INPPL1: variants seen among roughly 807,000 people sequenced by gnomAD.
The protein encoded by INPPL1 is inositol polyphosphate phosphatase like 1, also known as phosphatidylinositol 3,4,5-trisphosphate 5-phosphatase 2.
In INPPL1, 91 loss-of-function variants were observed where a neutral mutation model predicts 139.3. The observed-to-expected ratio is 0.65, with a 90% CI of 0.55 to 0.78. The LOEUF (loss-of-function observed/expected upper bound fraction) is 0.78, where lower values mean the gene tolerates loss of function less well. Ranked by LOEUF, INPPL1 falls within the 30% of genes least tolerant of loss-of-function variation. The probability of loss-of-function intolerance (pLI) is 0.00; values close to 1 mark genes in which losing one functional copy is unlikely to be tolerated. For missense variants in INPPL1, 1,411 were observed against 1,665.6 expected (o/e 0.85, Z 2.66); for synonymous variants, 719 against 686.6 (o/e 1.05, Z -0.74).
At chr11:72,225,527 A>C (rs1293858636) in intron 1 of INPPL1, 2 of 985,086 alleles carry the variant, frequency 2.0e-6, no homozygotes, top group East Asian at 2.3e-4. Context: ...TCCCGTTTGG[A>C]TAGGGACTGA....
Position 72,230,363 on chromosome 11 carries a change from C to T in INPPL1, c.1092C>T (p.Ile364=), listed in dbSNP as rs774881680. Residue 364 remains isoleucine, a splice_region_variant and synonymous_variant, in exon 10 of 28, where the codon ATC becomes ATT. Coordinates refer to ENST00000298229, the MANE Select transcript of INPPL1 (RefSeq NM_001567.4). ...EDWTTFTHDR[I]RQLIKSQRVQ... ...TGTGACCGGTCCTCCATGCCCTAGT[C>T]CGCCAGCTCATTAAGTCCCAGCGTG... The T allele has an allele frequency of 2.5e-6, 4 of 1,613,946 alleles. No homozygotes were observed. The highest frequency in any genetic ancestry group is 4.5e-5 in the East Asian group (2 of 44,900).
At chr11:72,232,134 T>G (rs911921824) in intron 13 of INPPL1, 106 bp from the exon 14 acceptor site, 1 of 886,696 alleles carries the variant, frequency 1.1e-6, no homozygotes, top group Non-Finnish European at 1.8e-6. Flanking sequence ...CAGCGTCTGG[T>G]GGGCTCAGCG....
chr11:72,228,628 A>G lies in INPPL1; in HGVS notation c.398-99A>G. ...CTTGGCCATGATGCCGGGGCCCTTTAACCCTCTTTCCATGGAAGTCACTTT... is the reference window on the plus strand; with the variant it reads ...CTTGGCCATGATGCCGGGGCCCTTTGACCCTCTTTCCATGGAAGTCACTTT... On this transcript the variant is annotated intron_variant, in intron 3 of 27. Transcript: ENST00000298229. This position sits in a 1 kb window ranked among gnomAD's most constrained non-coding sequence, Gnocchi z 5.0. 5.9e-6 allele frequency: 9 copies of G among 1,535,988 alleles called. No individual in the cohort carries two copies. Among genetic ancestry groups the G allele is most frequent in the Non-Finnish European group, 7.9e-6 (9 of 1,138,574 alleles).
Position 72,224,844 on chromosome 11 carries a change from C to A in INPPL1, c.-141C>A. ...ACGAGGCGGCCTGCGCGGCGGAGTGCTGAGTCCCGATCCCCGGCTCTGTCC... is the reference window on the plus strand; with the variant it reads ...ACGAGGCGGCCTGCGCGGCGGAGTGATGAGTCCCGATCCCCGGCTCTGTCC... On this transcript the variant is annotated 5_prime_UTR_variant, in exon 1 of 28. It adds an upstream start codon to the 5' untranslated region. Coordinates refer to ENST00000298229, the MANE Select transcript of INPPL1 (RefSeq NM_001567.4). 2.2e-6 allele frequency: 1 copy of A among 450,164 alleles called. No homozygotes were observed. The highest frequency in any genetic ancestry group is 3.0e-6 in the Non-Finnish European group (1 of 333,224). The allele number at this position is 450,164 out of a possible 1,614,324, so 27.9% of individuals were successfully genotyped here.
chr11:72,227,049 A>G (rs1008312155), intron 1 of INPPL1, among the ~76,000 whole-genome samples: 6 of 152,152 alleles, frequency 3.9e-5, no homozygotes, highest in African/African-American at 1.4e-4. Context: ...GACGTGGGCA[A>G]TATCTTAGAT....
chr11:72,228,392 G>T lies in INPPL1; in HGVS notation c.291G>T (p.Glu97Asp), dbSNP rs1294240648. 6.2e-7 allele frequency: 1 copy of T among 1,613,164 alleles called. No homozygotes were observed. Among genetic ancestry groups the T allele is most frequent in the Non-Finnish European group, 8.5e-7 (1 of 1,179,996 alleles). Residue 97 changes from glutamate to aspartate, a missense_variant, in exon 3 of 28, where the codon GAG becomes GAT. By Grantham distance (45) the Glu-to-Asp change is conservative. Coordinates refer to ENST00000298229, the MANE Select transcript of INPPL1 (RefSeq NM_001567.4). The surrounding 1 kb of genome is among the most constrained non-coding windows in gnomAD (Gnocchi z 5.0). ...VPVRRFQTLG[E>D]LIGLYAQPNQ... The stretch of plus-strand genomic sequence containing the variant: ...TGCGCCGCTTCCAGACCCTGGGTGA[G>T]CTCATCGGCCTGTACGCCCAGCCCA...
Position 72,237,710 on chromosome 11 carries a change from C to G in INPPL1, c.3466C>G (p.Arg1156Gly), listed in dbSNP as rs201213980. Residue 1156 changes from arginine (R) to glycine (G), a missense_variant, in exon 26 of 28, where the codon CGG (arginine) becomes GGG (glycine). Coordinates refer to ENST00000298229, the MANE Select transcript of INPPL1 (RefSeq NM_001567.4). ...LPGPLELQPP[R>G]GLPSDYGRPL... The stretch of plus-strand genomic sequence containing the variant: ...AGGCCCCCTGGAGCTGCAGCCCCCC[C>G]GGGGACTGCCCTCGGACTATGGCCG... The G allele has an allele frequency of 4.0e-5, 64 of 1,611,418 alleles. 1 individual carries two copies. The highest frequency in any genetic ancestry group is 1.7e-4 in the Middle Eastern group (1 of 6,036).
chr11:72,235,183 T>C lies in INPPL1; in HGVS notation c.2483T>C (p.Met828Thr), dbSNP rs1948950215. 6.2e-7 allele frequency: 1 copy of C among 1,613,884 alleles called. No individual in the cohort carries two copies. Among genetic ancestry groups the C allele is most frequent in the African/African-American group, 1.3e-5 (1 of 74,840 alleles). Residue 828 changes from methionine to threonine, a missense_variant, in exon 22 of 28, where the codon ATG (methionine) becomes ACG (threonine). Physicochemically the swap from Met to Thr is moderately conservative, Grantham distance 81. Around this residue, in one of 5 missense-constraint regions of INPPL1, gnomAD observed 99 missense variants for 171.6 expected, o/e 0.58. Transcript: ENST00000298229. The surrounding 1 kb of genome is among the most constrained non-coding windows in gnomAD (Gnocchi z 4.9). Reference sequence around the variant, plus strand: ...CACCTCCTGCTCACAGTCAAGTCCATGGATGGCTATGAATCCTATGGTGAG... The same window carrying C: ...CACCTCCTGCTCACAGTCAAGTCCACGGATGGCTATGAATCCTATGGTGAG... ...DQHLLLTVKS[M>T]DGYESYGECV...
At chr11:72,227,164 A>C (rs1948698786) in intron 1 of INPPL1, among the ~76,000 whole-genome samples, 1 of 152,206 alleles carries the variant, frequency 6.6e-6, no homozygotes, top group South Asian at 2.1e-4. Context: ...TCTGACCAGC[A>C]AGCTAGGATA....
chr11:72,229,967 CT>C lies in INPPL1; in HGVS notation c.888del (p.Pro297ArgfsTer18), dbSNP rs1948784444. 6.2e-7 allele frequency: 1 copy of C among 1,614,134 alleles called. No homozygotes were observed. The highest frequency in any genetic ancestry group is 1.1e-5 in the South Asian group (1 of 91,090). The part of the protein sequence containing the change: ...LQDMSSTAPP[A>X]PQPSTRKAKT... Reference sequence around the variant, plus strand: ...GACATGAGCTCCACAGCACCCCCAGCTCCGCAGCCATCCACACGTAAGGCCA... The same window carrying C: ...GACATGAGCTCCACAGCACCCCCAGCCCGCAGCCATCCACACGTAAGGCCA... On this transcript the variant is annotated frameshift_variant, in exon 8 of 28. Transcript: ENST00000298229. LOFTEE classifies it high-confidence loss of function.
chr11:72,232,691 T>A lies in INPPL1; in HGVS notation c.1778T>A (p.Phe593Tyr), dbSNP rs751915572. ...LSLGDRQLNA[F>Y]DISLRFTHLF... is the part of the protein sequence containing the mutation. ...CTGGGCGACCGGCAGCTCAATGCCT[T>A]TGACATCTCTCTGCGTTTCACACAC... is the stretch of plus-strand genomic sequence containing the variant. The change falls in exon 15 of 28, where the codon TTT becomes TAT. Residue 593 changes from phenylalanine to tyrosine, a missense_variant. Phe to Tyr is a conservative substitution (Grantham distance 22). Around this residue, in one of 5 missense-constraint regions of INPPL1, gnomAD observed 363 missense variants for 446.2 expected, o/e 0.81. Transcript: ENST00000298229. 1.9e-6 allele frequency: 3 copies of A among 1,613,946 alleles called. No individual in the cohort carries two copies. The highest frequency in any genetic ancestry group is 2.5e-6 in the Non-Finnish European group (3 of 1,179,974).
In INPPL1 at chr11:72,238,177, TG is replaced by T; in HGVS notation, c.3686+7del. 6.2e-7 allele frequency: 1 copy of T among 1,604,240 alleles called. No individual in the cohort carries two copies. Among genetic ancestry groups the T allele is most frequent in the Non-Finnish European group, 8.5e-7 (1 of 1,175,532 alleles). On this transcript the variant is annotated splice_donor_region_variant and intron_variant, in intron 27 of 27. Transcript: ENST00000298229. Reference sequence around the variant, plus strand: ...CTGGGACGACCTGGAGTTTCTCAGGTGGGGGAGGGGCTGGCCCCGGGGGCGG... The same window carrying T: ...CTGGGACGACCTGGAGTTTCTCAGGTGGGGAGGGGCTGGCCCCGGGGGCGG...
At position 72,235,985 on chromosome 11, in the gene INPPL1, A is replaced by T. The variant is rs1210100230; in HGVS notation, c.2878A>T (p.Arg960Trp). The change falls in exon 25 of 28, where the codon AGG (arginine) becomes TGG (tryptophan). Residue 960 changes from arginine to tryptophan, a missense_variant and splice_region_variant. Physicochemically the swap from Arg to Trp is moderately radical, Grantham distance 101. Around this residue, in one of 5 missense-constraint regions of INPPL1, gnomAD observed 438 missense variants for 425.7 expected, o/e 1.03. Coordinates refer to ENST00000298229, the MANE Select transcript of INPPL1 (RefSeq NM_001567.4). The surrounding 1 kb of genome is among the most constrained non-coding windows in gnomAD (Gnocchi z 4.9). Reference protein sequence around the residue: ...AAPREEPLTPRLKPEGAPEPE... With the variant: ...AAPREEPLTPWLKPEGAPEPE... ...TCCCCGGGAGGAGCCCTTGACCCCC[A>T]GGTGAGAGGAGGAACCTGTCACCGC... 6.8e-7 allele frequency: 1 copy of T among 1,481,174 alleles called. No homozygotes were observed. Among genetic ancestry groups the T allele is most frequent in the Non-Finnish European group, 9.0e-7 (1 of 1,109,572 alleles). 91.8% of individuals were successfully genotyped at this position (1,481,174 alleles called of 1,614,324 possible).
In INPPL1 at chr11:72,231,024, C is replaced by T. The variant is rs1377485512; in HGVS notation, c.1332C>T (p.Ser444=). Residue 444 remains serine (S), a synonymous_variant, in exon 12 of 28, where the codon TCC becomes TCT. Transcript: ENST00000298229. Reference sequence around the variant, plus strand: ...TACCACCTCCAAAAAACGTGACATCCTGGTTCACATCGAAGGGTCTGGGGA... The same window carrying T: ...TACCACCTCCAAAAAACGTGACATCTTGGTTCACATCGAAGGGTCTGGGGA... ...GSVPPPKNVT[S]WFTSKGLGKT... is the part of the protein sequence containing the mutation. 3 of 1,614,010 alleles carry T rather than the reference C, an allele frequency of 1.9e-6. No individual in the cohort carries two copies. Among genetic ancestry groups the T allele is most frequent in the Non-Finnish European group, 2.5e-6 (3 of 1,179,930 alleles).
rs1175753974 is a variant in INPPL1 at position 72,239,000 on chromosome 11, G to T, written c.*647G>T. ...ATGCACGGCGGCAGGGTGGGGGAGG[G>T]AGGTTCCTCGCAGGTCTCAGCCCGG... On this transcript the variant is annotated 3_prime_UTR_variant, in exon 28 of 28. Transcript: ENST00000298229. The T allele has an allele frequency of 6.6e-6, 1 of 152,608 alleles. No homozygotes were observed. The highest frequency in any genetic ancestry group is 1.5e-5 in the Non-Finnish European group (1 of 68,188). 9.5% of individuals were successfully genotyped at this position (152,608 alleles called of 1,614,324 possible).
In INPPL1 at chr11:72,230,358, C is replaced by G; in HGVS notation, c.1091-4C>G. 2 of 1,614,026 alleles carry G rather than the reference C, an allele frequency of 1.2e-6. No homozygotes were observed. The highest frequency in any genetic ancestry group is 1.7e-6 in the Non-Finnish European group (2 of 1,180,014). The stretch of plus-strand genomic sequence containing the variant: ...GCCCATGTGACCGGTCCTCCATGCC[C>G]TAGTCCGCCAGCTCATTAAGTCCCA... On this transcript the variant is annotated splice_region_variant and splice_polypyrimidine_tract_variant and intron_variant, in intron 9 of 27. Transcript: ENST00000298229.
At chr11:72,233,588 C>G (rs578170130) in intron 18 of INPPL1, 66 bp downstream of exon 18, 10 of 1,606,446 alleles carry the variant, frequency 6.2e-6, no homozygotes, top group Non-Finnish European at 8.5e-6. Flanking sequence ...CTGCCCTAAC[C>G]TTGGGAGGTG....
intron 1 of INPPL1, chr11:72,227,909 G>C: frequency 2.0e-6 from 1 of 491,986 alleles, no homozygotes; most frequent in South Asian, 2.1e-5. Context: ...CCACAAAAGA[G>C]CTCCCTGTTG....
At chr11:72,225,624 C>A in intron 1 of INPPL1, 1 of 705,794 alleles carries the variant, frequency 1.4e-6, no homozygotes, top group Non-Finnish European at 1.7e-6. Flanking sequence ...CCTTTCGGTG[C>A]TTTGGGGTTC....
Sources: gnomAD v4.1 joint callset for allele counts (sites outside exome capture counted in the v4.1 genomes callset) on GRCh38, gnomAD v4.1.1 for gene constraint, gnomAD v4.1.1 regional missense constraint, Gnocchi (gnomAD v3.1) non-coding constraint, MANE v1.5 for transcripts, NCBI Gene and HGNC (gene_info 2026-07-23, HGNC 2026-07-21) for gene names.